DAB2: variants seen among roughly 807,000 people sequenced by gnomAD.
DAB2 encodes DAB adaptor protein 2, also known as disabled homolog 2.
DAB2 carries 28 observed loss-of-function variants against 71.6 expected under a neutral mutation model. That is an observed-to-expected ratio of 0.39 (90% CI 0.29 to 0.54). The LOEUF is 0.54. Ranked by LOEUF, DAB2 falls within the 20% of genes least tolerant of loss-of-function variation. The probability of loss-of-function intolerance (pLI) is 0.68; values close to 1 mark genes in which losing one functional copy is unlikely to be tolerated. For missense variants in DAB2, 867 were observed against 928.8 expected, an observed-to-expected ratio of 0.93 and a Z score of 0.86; for synonymous variants, 345 against 339.7, an observed-to-expected ratio of 1.02 and a Z score of -0.17.
In DAB2 at chr5:39,393,392, G is replaced by A. The variant is rs1755282286; in HGVS notation, c.93C>T (p.Gly31=). 2.5e-6 allele frequency: 4 copies of A among 1,613,622 alleles called. No individual in the cohort carries two copies. Among genetic ancestry groups the A allele is most frequent in the African/African-American group, 1.3e-5 (1 of 74,986 alleles). Residue 31 remains glycine, a splice_region_variant and synonymous_variant, in exon 3 of 15, where the codon GGC becomes GGT. Coordinates refer to ENST00000320816, the MANE Select transcript of DAB2 (RefSeq NM_001343.4). ...KAPSKKEKKK[G]PEKTDEYLLA... ...AGAGATATTCATCTGTCTTTTCAGGGCCTGAGAAAAGAAAGGAATACAGGA... is the reference window on the plus strand; with the variant it reads ...AGAGATATTCATCTGTCTTTTCAGGACCTGAGAAAAGAAAGGAATACAGGA...
chr5:39,412,698 A>G (rs1323304500), intron 1 of DAB2, among the ~76,000 whole-genome samples: 5 of 152,116 alleles, frequency 3.3e-5, no homozygotes, highest in African/African-American at 4.8e-5. Context: ...TGTTTATTGT[A>G]TACCAGATGT....
intron 14 of DAB2, 80 bp downstream of exon 14, chr5:39,374,934 A>G (rs1754785562): frequency 4.4e-6 from 4 of 916,658 alleles, no homozygotes; most frequent in Non-Finnish European, 7.1e-6. Context: ...CAATTCTAAA[A>G]TTAAAATTTC....
At position 39,420,477 on chromosome 5, in the gene DAB2, T is replaced by G. The variant is rs971601793; in HGVS notation, c.-102+4327A>C. Among the ~76,000 whole-genome samples the G allele has an allele frequency of 1.2e-4, 18 of 152,324 alleles. 1 individual carries two copies. The highest frequency in any genetic ancestry group is 5.9e-4 in the Admixed American group (9 of 15,306). ...CTGAAAATCTAAGTGACAGCCCTCA[T>G]ACATTGTTTACCTTCAACGTAACAC... On this transcript the variant is annotated intron_variant, in intron 1 of 14. Coordinates refer to ENST00000320816, the MANE Select transcript of DAB2 (RefSeq NM_001343.4).
chr5:39,424,470 TACACACACACACACACACACACACACAC>T (rs56974213), intron 1 of DAB2, among the ~76,000 whole-genome samples: 59 of 134,558 alleles, frequency 4.4e-4, no homozygotes, highest in African/African-American at 1.6e-3. Flanking sequence ...GCAGACCTTT[TACACACACACACACACACACACACACAC>T]ACACACACAC....
chr5:39,408,324 G>A (rs768553193), intron 1 of DAB2: 1 of 152,254 alleles, frequency 6.6e-6, no homozygotes, highest in Admixed American at 6.5e-5. Flanking sequence ...AATCTAATTC[G>A]AATATGTTGT....
chr5:39,397,877 C>T (rs958048884), intron 1 of DAB2, among the ~76,000 whole-genome samples: 4 of 151,998 alleles, frequency 2.6e-5, no homozygotes, highest in African/African-American at 9.7e-5. Flanking sequence ...CAATATATTC[C>T]AAAACAGAAT....
intron 9 of DAB2, 53 bp downstream of exon 9, chr5:39,388,252 T>G (rs1352839987): frequency 7.6e-7 from 1 of 1,321,492 alleles, no homozygotes; most frequent in Non-Finnish European, 1.1e-6. Flanking sequence ...TATTGCCAAT[T>G]TGAGTTATAG....
At chr5:39,398,502 T>G (rs1755425137) in intron 1 of DAB2, among the ~76,000 whole-genome samples, 1 of 151,992 alleles carries the variant, frequency 6.6e-6, no homozygotes, top group Non-Finnish European at 1.5e-5. Flanking sequence ...AAGAAAAAAA[T>G]AAGGAGGAAA....
chr5:39,377,063 G>C lies in DAB2; in HGVS notation c.1724C>G (p.Pro575Arg). 1.2e-6 allele frequency: 2 copies of C among 1,614,156 alleles called. No homozygotes were observed. Among genetic ancestry groups the C allele is most frequent in the Non-Finnish European group, 1.7e-6 (2 of 1,180,016 alleles). ...AGCATTGGGTGCCACAGATGCAGAAGGGCCCCAGACAACAGGCACTGGAGG... is the reference window on the plus strand; with the variant it reads ...AGCATTGGGTGCCACAGATGCAGAACGGCCCCAGACAACAGGCACTGGAGG... ...TPPPVPVVWG[P>R]SASVAPNAWS... The change falls in exon 12 of 15, where the codon CCT becomes CGT. Residue 575 changes from proline to arginine, a missense_variant. Pro to Arg is a moderately radical substitution (Grantham distance 103). Transcript: ENST00000320816.
chr5:39,409,308 G>A (rs1396818435), intron 1 of DAB2, among the ~76,000 whole-genome samples: 1 of 152,118 alleles, frequency 6.6e-6, no homozygotes, highest in African/African-American at 2.4e-5. Flanking sequence ...CTTTTAAACT[G>A]AGGGATGTAA....
chr5:39,395,247 G>C lies in DAB2; in HGVS notation c.-101-826C>G, dbSNP rs573896965. 7.9e-5 allele frequency among the ~76,000 whole-genome samples: 12 copies of C among 152,138 alleles called. No homozygotes were observed. The South Asian group carries it at 2.3e-3, about 29-fold the overall frequency. ...AGCCAATGTTTCTATATGCTGTAGA[G>C]AGAGCTAGGGCGAGTAGATTAACTT... is the stretch of plus-strand genomic sequence containing the variant. On this transcript the variant is annotated intron_variant, in intron 1 of 14. Transcript: ENST00000320816.
intron 1 of DAB2, among the ~76,000 whole-genome samples, chr5:39,414,047 C>T (rs906712484): frequency 2.6e-5 from 4 of 152,114 alleles, no homozygotes; most frequent in African/African-American, 9.7e-5. Context: ...AAGCTCCTGA[C>T]ATATGAAAAA....
intron 1 of DAB2, among the ~76,000 whole-genome samples, chr5:39,395,847 A>C (rs912866267): frequency 5.3e-5 from 8 of 151,468 alleles, no homozygotes; most frequent in African/African-American, 1.9e-4. Context: ...TAACCTTTTA[A>C]TTGTATAACT....
chr5:39,374,948 C>T (rs1049121034), intron 14 of DAB2, 66 bp downstream of exon 14: 5 of 1,020,084 alleles, frequency 4.9e-6, no homozygotes, highest in Middle Eastern at 4.1e-4. Flanking sequence ...AAATTTCACT[C>T]TTTATTCCAT....
chr5:39,399,533 A>G (rs1052250775), intron 1 of DAB2, among the ~76,000 whole-genome samples: 10 of 152,244 alleles, frequency 6.6e-5, no homozygotes, highest in Admixed American at 5.9e-4. Flanking sequence ...TATGAATAAA[A>G]TTAGCTTCCA....
chr5:39,383,127 T>G lies in DAB2; in HGVS notation c.832A>C (p.Asn278His), dbSNP rs764503908. The change falls in exon 10 of 15, where the codon AAT (asparagine) becomes CAT (histidine). Residue 278 changes from asparagine (N) to histidine (H), a missense_variant. By Grantham distance (68) the Asn-to-His change is moderately conservative. Coordinates refer to ENST00000320816, the MANE Select transcript of DAB2 (RefSeq NM_001343.4). ...AAGTTGAGATTGGCAGAAAAGGCATTTTCAGGCAAGAAGGATGCCTGAGGC... is the reference window on the plus strand; with the variant it reads ...AAGTTGAGATTGGCAGAAAAGGCATGTTCAGGCAAGAAGGATGCCTGAGGC... ...PTPQASFLPE[N>H]AFSANLNFFP... 9.9e-6 allele frequency: 16 copies of G among 1,613,948 alleles called. No homozygotes were observed. In the South Asian group the frequency reaches 1.6e-4, roughly 17 times the overall value.
At chr5:39,403,716 A>ATTTTT (rs60449035) in intron 1 of DAB2, among the ~76,000 whole-genome samples, 1 of 135,296 alleles carries the variant, frequency 7.4e-6, no homozygotes, top group Non-Finnish European at 1.6e-5. Context: ...TTTTTTTGGA[A>ATTTTT]TTTTTTTTTT....
intron 1 of DAB2, among the ~76,000 whole-genome samples, chr5:39,407,100 C>T (rs1458491690): frequency 6.6e-6 from 1 of 152,242 alleles, no homozygotes; most frequent in Non-Finnish European, 1.5e-5. Context: ...CCTCCCTCAT[C>T]ATATACTGAC....
chr5:39,391,982 A>ATG (rs1491235349), intron 4 of DAB2, among the ~76,000 whole-genome samples: 54 of 131,884 alleles, frequency 4.1e-4, no homozygotes, highest in African/African-American at 1.3e-3. Context: ...AAAAAAAAAA[A>ATG]TATATATATA....
Sources: gnomAD v4.1 joint callset for allele counts (sites outside exome capture counted in the v4.1 genomes callset) on GRCh38, gnomAD v4.1.1 for gene constraint, MANE v1.5 for transcripts, NCBI Gene and HGNC (gene_info 2026-07-23, HGNC 2026-07-21) for gene names.